Variants in VAV2 observed in about 807,000 individuals in gnomAD.
VAV2 encodes vav guanine nucleotide exchange factor 2.
Under a neutral mutation model 132.5 loss-of-function variants are expected in VAV2, and 67 were observed. That is an observed-to-expected ratio of 0.51 (90% CI 0.42 to 0.62). VAV2 has a LOEUF of 0.62. Ranked by LOEUF, VAV2 falls within the 20% of genes least tolerant of loss-of-function variation. The probability of loss-of-function intolerance (pLI) is 0.00; values close to 1 mark genes in which losing one functional copy is unlikely to be tolerated. For synonymous variants in VAV2, 492 were observed against 443.5 expected (o/e 1.11, Z -1.37); for missense variants, 938 against 1,153.6 (o/e 0.81, Z 2.71).
chr9:133,891,255 C>A (rs1325360854), intron 2 of VAV2, among the ~76,000 whole-genome samples: 1 of 133,370 alleles, frequency 7.5e-6, no homozygotes, highest in Admixed American at 7.6e-5. Context: ...CCACTCTCAG[C>A]AGGAGGGATG....
intron 3 of VAV2, among the ~76,000 whole-genome samples, chr9:133,851,098 C>A (rs1837150235): frequency 1.3e-5 from 2 of 152,232 alleles, no homozygotes; most frequent in African/African-American, 2.4e-5. Context: ...CAGTCATGCC[C>A]CTGGGGCTCT....
chr9:133,905,266 T>TAAA (rs35348134), intron 2 of VAV2, among the ~76,000 whole-genome samples: 2,552 of 145,308 alleles, frequency 0.018, 68 homozygotes, highest in African/African-American at 0.057. Context: ...CCATCTCTAC[T>TAAA]AAAAAAAAAA....
intron 2 of VAV2, among the ~76,000 whole-genome samples, chr9:133,866,948 G>T (rs914788260): frequency 2.0e-5 from 3 of 152,038 alleles, no homozygotes; most frequent in Non-Finnish European, 4.4e-5. Context: ...ACAAGTTCAG[G>T]TTCGAATGTC....
rs1247774394 is a variant in VAV2 at position 133,824,475 on chromosome 9, G to T, written c.449+9797C>A. ...TCTTAAAACCCCAGCCCAAAACAAG[G>T]TAGTGACTGGCCTGGCACAGGGGGT... is the stretch of plus-strand genomic sequence containing the variant. On this transcript the variant is annotated intron_variant, in intron 4 of 29. Coordinates refer to ENST00000371850, the MANE Select transcript of VAV2 (RefSeq NM_001134398.2). The surrounding 1 kb of genome is among the most constrained non-coding windows in gnomAD (Gnocchi z 5.2). 6.6e-6 allele frequency among the ~76,000 whole-genome samples: 1 copy of T among 152,144 alleles called. No individual in the cohort carries two copies. Among genetic ancestry groups the T allele is most frequent in the Non-Finnish European group, 1.5e-5 (1 of 68,028 alleles).
intron 21 of VAV2, among the ~76,000 whole-genome samples, chr9:133,779,538 A>C (rs185724847): frequency 1.3e-5 from 2 of 152,248 alleles, no homozygotes; most frequent in Admixed American, 1.3e-4. Context: ...CGCTGTGTCT[A>C]GAAGCACGTT....
At chr9:133,767,753 C>T (rs573613735) in intron 29 of VAV2, among the ~76,000 whole-genome samples, 29 of 152,358 alleles carry the variant, frequency 1.9e-4, no homozygotes, top group African/African-American at 7.0e-4. Context: ...TCTGAAGCCC[C>T]ATCCACCTGC....
At chr9:133,933,201 T>C (rs766442707) in intron 2 of VAV2, among the ~76,000 whole-genome samples, 1 of 152,250 alleles carries the variant, frequency 6.6e-6, no homozygotes, top group Non-Finnish European at 1.5e-5. Flanking sequence ...CCAAGGCTGA[T>C]TGTGGGCCAG....
At chr9:133,815,561 G>A (rs986108260) in intron 4 of VAV2, among the ~76,000 whole-genome samples, 10 of 152,096 alleles carry the variant, frequency 6.6e-5, no homozygotes, top group African/African-American at 2.4e-4. Context: ...ATTTGTTTTT[G>A]TGCCTGGCTT....
At chr9:133,875,758 C>T (rs117858429) in intron 2 of VAV2, among the ~76,000 whole-genome samples, 1,887 of 152,322 alleles carry the variant, frequency 0.012, 19 homozygotes, top group Non-Finnish European at 0.019. Flanking sequence ...TTTGTGATGG[C>T]TAATGTGGCT....
intron 2 of VAV2, among the ~76,000 whole-genome samples, chr9:133,924,128 TTAAAGTA>T: frequency 6.6e-6 from 1 of 152,248 alleles, no homozygotes; most frequent in South Asian, 2.1e-4. Flanking sequence ...ACCCTAAAAC[TTAAAGTA>T]TAATTTTTAA....
chr9:133,890,264 C>T (rs552780716), intron 2 of VAV2, among the ~76,000 whole-genome samples: 30 of 143,006 alleles, frequency 2.1e-4, no homozygotes, highest in South Asian at 6.8e-4. Flanking sequence ...AGCCAGAACT[C>T]GGCTCCACCG....
intron 2 of VAV2, among the ~76,000 whole-genome samples, chr9:133,877,044 C>A (rs1414286417): frequency 6.6e-6 from 1 of 152,092 alleles, no homozygotes; most frequent in African/African-American, 2.4e-5. Context: ...TGCCCCGAGT[C>A]TCCCTCCCCA....
rs1449852682 is a variant in VAV2 at position 133,964,347 on chromosome 9, C to T, written c.205-25128G>A. On this transcript the variant is annotated intron_variant, in intron 1 of 29. Coordinates refer to ENST00000371850, the MANE Select transcript of VAV2 (RefSeq NM_001134398.2). ...ATACACATATGTATATACACACACACACAAATACATGTATTTACATTTGTA... is the reference window on the plus strand; with the variant it reads ...ATACACATATGTATATACACACACATACAAATACATGTATTTACATTTGTA... 2.0e-5 allele frequency among the ~76,000 whole-genome samples: 3 copies of T among 151,582 alleles called. No individual in the cohort carries two copies. The East Asian group carries it at 5.8e-4, about 29-fold the overall frequency.
intron 7 of VAV2, among the ~76,000 whole-genome samples, chr9:133,807,749 G>A (rs1835207337): frequency 6.6e-6 from 1 of 152,232 alleles, no homozygotes; most frequent in African/African-American, 2.4e-5. Flanking sequence ...TCCTGAGCAT[G>A]ACCCCAAAAC....
chr9:133,794,356 C>T lies in VAV2; in HGVS notation c.1101+1312G>A, dbSNP rs1463566228. On this transcript the variant is annotated intron_variant, in intron 12 of 29. Transcript: ENST00000371850. This position sits in a 1 kb window ranked among gnomAD's most constrained non-coding sequence, Gnocchi z 4.6. ...GTGCTCGCTGCCCAGTGCAGCCGAG[C>T]GGGAATCTGAAGGTCTCTGGGACCA... Among the ~76,000 whole-genome samples, 3 of 152,026 alleles carry T rather than the reference C, an allele frequency of 2.0e-5. No individual in the cohort carries two copies. The highest frequency in any genetic ancestry group is 4.4e-5 in the Non-Finnish European group (3 of 67,992).
At chr9:133,856,619 T>C (rs10993829) in intron 3 of VAV2, among the ~76,000 whole-genome samples, 25,178 of 152,098 alleles carry the variant, frequency 0.17, 2,178 homozygotes, top group Non-Finnish European at 0.19. Context: ...AGTTGGTGGC[T>C]TCAAGCAACA....
At chr9:133,809,680 G>A (rs1168855188) in intron 6 of VAV2, among the ~76,000 whole-genome samples, 5 of 152,198 alleles carry the variant, frequency 3.3e-5, no homozygotes, top group Admixed American at 1.3e-4. Context: ...ACCCCCCACC[G>A]CCAGCAGGGT....
chr9:133,946,409 T>A (rs1035159861), intron 1 of VAV2, among the ~76,000 whole-genome samples: 5 of 152,240 alleles, frequency 3.3e-5, no homozygotes, highest in Non-Finnish European at 5.9e-5. Flanking sequence ...CCACAGCTTC[T>A]GGGCCTCAGG....
rs1835730968 is a variant in VAV2 at position 133,820,241 on chromosome 9, CT to C, written c.450-8026del. On this transcript the variant is annotated intron_variant, in intron 4 of 29. Transcript: ENST00000371850. ...GCTCTGCTCCCTAATAGCTCCTTTCCTTTGGCCATCACCGACGTGGAAATGC... is the reference window on the plus strand; with the variant it reads ...GCTCTGCTCCCTAATAGCTCCTTTCCTTGGCCATCACCGACGTGGAAATGC... Among the ~76,000 whole-genome samples, 3 of 152,334 alleles carry C rather than the reference CT, an allele frequency of 2.0e-5. No individual in the cohort carries two copies. The South Asian group carries it at 6.2e-4, about 32-fold the overall frequency.
Sources: gnomAD v4.1 joint callset for allele counts (sites outside exome capture counted in the v4.1 genomes callset) on GRCh38, gnomAD v4.1.1 for gene constraint, Gnocchi (gnomAD v3.1) non-coding constraint, MANE v1.5 for transcripts, NCBI Gene and HGNC (gene_info 2026-07-23, HGNC 2026-07-21) for gene names.